Variants in OR6N1 observed in about 807,000 individuals in gnomAD.
OR6N1 encodes olfactory receptor 6N1.
For missense variants in OR6N1, 394 were observed against 371.7 expected (o/e 1.06, Z -0.49); for synonymous variants, 170 against 150.7 (o/e 1.13, Z -0.94).
At chr1:158,788,581 T>C in the OR6N1 span, among the ~76,000 whole-genome samples, 4 of 152,182 alleles carry the variant, frequency 2.6e-5, no homozygotes, top group African/African-American at 7.2e-5. Context: ...ATACATGTGA[T>C]ACTTTGATAC....
At chr1:158,770,439 A>C (rs1657395883) in intron 1 of OR6N1, among the ~76,000 whole-genome samples, 1 of 152,182 alleles carries the variant, frequency 6.6e-6, no homozygotes, top group Non-Finnish European at 1.5e-5. Flanking sequence ...ACCCCCTTTA[A>C]GATGGCAAAA....
At chr1:158,830,602 A>T in the OR6N1 span, among the ~76,000 whole-genome samples, 30 of 152,202 alleles carry the variant, frequency 2.0e-4, no homozygotes, top group Admixed American at 1.9e-3. Flanking sequence ...TTCACAGGAA[A>T]AAAAAATTGC....
rs748584239 is a variant in OR6N1 at position 158,765,928 on chromosome 1, T to C, written c.755A>G (p.Tyr252Cys). 8 of 1,613,970 alleles carry C rather than the reference T, an allele frequency of 5.0e-6. No homozygotes were observed. The highest frequency in any genetic ancestry group is 2.2e-5 in the South Asian group (2 of 91,080). ...ASHFTVVLIF[Y>C]GSILSMYVQL... is the part of the protein sequence containing the mutation. ...CACATACATGGAAAGGATGCTCCCA[T>C]AGAAGATGAGAACCACAGTGAAGTG... The change falls in exon 2 of 2, where the codon TAT becomes TGT. Residue 252 changes from tyrosine (Y) to cysteine (C), a missense_variant. Coordinates refer to ENST00000641846, the MANE Select transcript of OR6N1 (RefSeq NM_001005185.2).
At chr1:158,816,150 A>G in the OR6N1 span, among the ~76,000 whole-genome samples, 1 of 143,880 alleles carries the variant, frequency 7.0e-6, no homozygotes, top group Non-Finnish European at 1.5e-5. Context: ...AGAGTGAGAC[A>G]CCATCTCAAA....
the OR6N1 span, among the ~76,000 whole-genome samples, chr1:158,808,031 G>A: frequency 1.6e-4 from 24 of 148,300 alleles, no homozygotes; most frequent in Admixed American, 5.4e-4. Context: ...AAGCCAACCA[G>A]CTGATTCTCA....
the OR6N1 span, among the ~76,000 whole-genome samples, chr1:158,787,635 T>TCTCTCACA: frequency 6.3e-3 from 842 of 134,280 alleles, 11 homozygotes; most frequent in African/African-American, 0.024. Context: ...TCTCTCTCTC[T>TCTCTCACA]CACACACACA....
the OR6N1 span, among the ~76,000 whole-genome samples, chr1:158,798,355 A>C: frequency 6.6e-6 from 1 of 151,466 alleles, no homozygotes; most frequent in Non-Finnish European, 1.5e-5. Context: ...CTTTTTAAAT[A>C]ATATTAAATT....
chr1:158,789,929 T>C, the OR6N1 span, among the ~76,000 whole-genome samples: 2 of 152,242 alleles, frequency 1.3e-5, no homozygotes, highest in Admixed American at 6.5e-5. Flanking sequence ...TGCCCTGAAG[T>C]ATTTCTCCAA....
chr1:158,790,587 G>A, the OR6N1 span, among the ~76,000 whole-genome samples: 1 of 151,842 alleles, frequency 6.6e-6, no homozygotes, highest in African/African-American at 2.4e-5. Flanking sequence ...TGTATTTTTA[G>A]TAGAGATGGG....
the OR6N1 span, among the ~76,000 whole-genome samples, chr1:158,827,700 A>T: frequency 6.6e-6 from 1 of 152,210 alleles, no homozygotes; most frequent in Non-Finnish European, 1.5e-5. Flanking sequence ...TATTTGGGAA[A>T]TATTTATGAG....
the OR6N1 span, among the ~76,000 whole-genome samples, chr1:158,793,998 T>C: frequency 6.6e-6 from 1 of 152,166 alleles, no homozygotes; most frequent in African/African-American, 2.4e-5. Context: ...CTATTCAGAT[T>C]AGAAAGGCAC....
At chr1:158,775,072 C>T (rs1167349253), upstream of OR6N1, 1 of 152,100 alleles carries the variant, frequency 6.6e-6, no homozygotes, top group Admixed American at 6.5e-5. Context: ...AATTTGAGAC[C>T]AAATCTAGTT....
the OR6N1 span, among the ~76,000 whole-genome samples, chr1:158,818,748 T>C: frequency 1.1e-4 from 17 of 152,302 alleles, no homozygotes; most frequent in Non-Finnish European, 1.8e-4. Flanking sequence ...GGCAGTTGCA[T>C]TGAACTTCCC....
At chr1:158,775,946 G>A (rs576904595), upstream of OR6N1, 68 of 152,274 alleles carry the variant, frequency 4.5e-4, no homozygotes, top group African/African-American at 1.6e-3. Context: ...TTGATAAGTA[G>A]GAAGTTGAAT....
the OR6N1 span, among the ~76,000 whole-genome samples, chr1:158,811,654 A>G: frequency 6.6e-6 from 1 of 152,338 alleles, no homozygotes; most frequent in East Asian, 1.9e-4. Context: ...CATCACTTGT[A>G]GATACAAATA....
At chr1:158,780,581 T>C in the OR6N1 span, among the ~76,000 whole-genome samples, 4 of 152,224 alleles carry the variant, frequency 2.6e-5, no homozygotes, top group African/African-American at 7.2e-5. Context: ...GCCTCCCTTA[T>C]ATGTGCTCAG....
At chr1:158,810,719 GA>G in the OR6N1 span, among the ~76,000 whole-genome samples, 1 of 152,116 alleles carries the variant, frequency 6.6e-6, no homozygotes, top group East Asian at 1.9e-4. Context: ...CTCCAAAAAC[GA>G]GTTGAATGTT....
chr1:158,808,121 C>CTTTT, the OR6N1 span, among the ~76,000 whole-genome samples: 6 of 39,574 alleles, frequency 1.5e-4, no homozygotes, highest in African/African-American at 1.7e-4. Context: ...CAATGACTGC[C>CTTTT]TTTTTTTTTT....
the OR6N1 span, among the ~76,000 whole-genome samples, chr1:158,803,029 A>G: frequency 6.6e-6 from 1 of 152,226 alleles, no homozygotes; most frequent in East Asian, 1.9e-4. Flanking sequence ...TGAATCATTC[A>G]TAGCCCCAAA....
Sources: gnomAD v4.1 joint callset for allele counts (sites outside exome capture counted in the v4.1 genomes callset) on GRCh38, gnomAD v4.1.1 for gene constraint, MANE v1.5 for transcripts, NCBI Gene and HGNC (gene_info 2026-07-23, HGNC 2026-07-21) for gene names.